Variants in SOX5 observed in about 807,000 individuals in gnomAD.
SOX5 encodes SRY-box transcription factor 5.
In SOX5, 9 loss-of-function variants were observed where a neutral mutation model predicts 92.0. The observed-to-expected ratio is 0.10, with a 90% CI of 0.06 to 0.17. The LOEUF is 0.17. Ranked by LOEUF, SOX5 falls within the 10% of genes least tolerant of loss-of-function variation. The pLI is 1.00. For synonymous variants in SOX5, 344 were observed against 336.3 expected (o/e 1.02, Z -0.25); for missense variants, 642 against 944.5 (o/e 0.68, Z 4.20).
intron 4 of SOX5, among the ~76,000 whole-genome samples, chr12:24,168,422 G>A (rs957384864): frequency 1.3e-5 from 2 of 152,142 alleles, no homozygotes; most frequent in African/African-American, 2.4e-5. Context: ...ATCGTCAACA[G>A]AAATAATTGC....
intron 4 of SOX5, among the ~76,000 whole-genome samples, chr12:24,053,660 TTTCA>T (rs1289071644): frequency 1.3e-5 from 2 of 152,188 alleles, no homozygotes; most frequent in Non-Finnish European, 2.9e-5. Flanking sequence ...CCCAAAGTCA[TTTCA>T]TTGTTTGCAA....
At chr12:23,863,793 TACAC>T (rs71059936) in intron 2 of SOX5, among the ~76,000 whole-genome samples, 9,110 of 145,366 alleles carry the variant, frequency 0.063, 357 homozygotes, top group East Asian at 0.13. Context: ...TTAAACACAC[TACAC>T]ACACACACAC....
intron 4 of SOX5, among the ~76,000 whole-genome samples, chr12:24,154,597 G>A (rs1470348723): frequency 1.3e-5 from 2 of 151,948 alleles, no homozygotes; most frequent in East Asian, 1.9e-4. Flanking sequence ...GCAATGTTTG[G>A]GAGGCATTAA....
chr12:24,411,844 T>G (rs1964150046), intron 1 of SOX5, among the ~76,000 whole-genome samples: 1 of 152,214 alleles, frequency 6.6e-6, no homozygotes, highest in Non-Finnish European at 1.5e-5. Flanking sequence ...GGGGAGATTG[T>G]TTAGGGCTGG....
chr12:23,729,838 A>G (rs2093324002), intron 6 of SOX5, among the ~76,000 whole-genome samples: 1 of 152,214 alleles, frequency 6.6e-6, no homozygotes, highest in Non-Finnish European at 1.5e-5. Context: ...GATTAGCCCT[A>G]TTAGTTGCTG....
chr12:24,277,517 T>A (rs1565810837), intron 2 of SOX5, among the ~76,000 whole-genome samples: 2 of 136,968 alleles, frequency 1.5e-5, no homozygotes, highest in Non-Finnish European at 3.2e-5. Context: ...TATAAATATA[T>A]ATTTATATGT....
intron 3 of SOX5, among the ~76,000 whole-genome samples, chr12:23,809,791 C>T (rs1407184158): frequency 7.3e-6 from 1 of 137,848 alleles, no homozygotes; most frequent in East Asian, 2.1e-4. Context: ...AAAGATTTGA[C>T]ATTACTACAC....
intron 4 of SOX5, among the ~76,000 whole-genome samples, chr12:24,087,345 G>A (rs1257128264): frequency 6.6e-6 from 1 of 152,000 alleles, no homozygotes; most frequent in African/African-American, 2.4e-5. Context: ...GACATCCACT[G>A]TTACACGTAC....
At chr12:23,828,423 G>A (rs986886896) in intron 3 of SOX5, among the ~76,000 whole-genome samples, 6 of 152,114 alleles carry the variant, frequency 3.9e-5, no homozygotes, top group African/African-American at 1.2e-4. Flanking sequence ...AATACAAGAA[G>A]AGTGTGAATA....
chr12:24,526,351 G>A (rs1366016570), intron 1 of SOX5, among the ~76,000 whole-genome samples: 2 of 152,124 alleles, frequency 1.3e-5, no homozygotes, highest in Admixed American at 6.5e-5. Flanking sequence ...AGAGAAGAAC[G>A]TGGGTGGAGT....
intron 10 of SOX5, among the ~76,000 whole-genome samples, chr12:23,564,957 G>A (rs1314909906): frequency 6.6e-6 from 1 of 152,160 alleles, no homozygotes; most frequent in Non-Finnish European, 1.5e-5. Context: ...AATGATCCAT[G>A]CCTCTTCCCC....
intron 1 of SOX5, among the ~76,000 whole-genome samples, chr12:24,391,438 C>T (rs565938384): frequency 1.3e-5 from 2 of 152,198 alleles, no homozygotes; most frequent in East Asian, 3.9e-4. Flanking sequence ...CTTTTACTTT[C>T]TTCAACTTCT....
chr12:23,984,851 G>A (rs1949913077), intron 4 of SOX5, among the ~76,000 whole-genome samples: 1 of 152,082 alleles, frequency 6.6e-6, no homozygotes, highest in African/African-American at 2.4e-5. Flanking sequence ...TTGAAGTAAT[G>A]GACTAATAAT....
intron 4 of SOX5, among the ~76,000 whole-genome samples, chr12:24,210,440 G>T (rs1429306508): frequency 2.0e-5 from 3 of 152,166 alleles, no homozygotes; most frequent in Non-Finnish European, 4.4e-5. Flanking sequence ...CTCATAAATA[G>T]TCTCATGGAT....
At chr12:23,569,927 C>CTAT (rs1415178215) in intron 10 of SOX5, among the ~76,000 whole-genome samples, 23 of 152,194 alleles carry the variant, frequency 1.5e-4, no homozygotes, top group African/African-American at 5.3e-4. Flanking sequence ...TTAGTACAAT[C>CTAT]TATTATTCCT....
At chr12:23,762,339 A>G (rs1169174292) in intron 3 of SOX5, 2 of 326,770 alleles carry the variant, frequency 6.1e-6, no homozygotes, top group Non-Finnish European at 1.1e-5. Context: ...TTGAGGCTGT[A>G]GCGTACTTTG....
At chr12:23,782,187 T>C (rs2141792936) in intron 3 of SOX5, among the ~76,000 whole-genome samples, 1 of 152,216 alleles carries the variant, frequency 6.6e-6, no homozygotes, top group South Asian at 2.1e-4. Flanking sequence ...AGTATTTATG[T>C]CATATTGATA....
intron 11 of SOX5, among the ~76,000 whole-genome samples, chr12:23,560,156 G>A (rs540665208): frequency 7.9e-4 from 121 of 152,238 alleles, no homozygotes; most frequent in Non-Finnish European, 1.2e-3. Context: ...TGATCCCCCC[G>A]CCTCGGCCTC....
At chr12:23,974,030 T>C (rs1483290656) in intron 4 of SOX5, among the ~76,000 whole-genome samples, 1 of 152,180 alleles carries the variant, frequency 6.6e-6, no homozygotes, top group East Asian at 1.9e-4. Flanking sequence ...ATGCTGTTTT[T>C]TTTCCTATAC....
Sources: gnomAD v4.1 joint callset for allele counts (sites outside exome capture counted in the v4.1 genomes callset) on GRCh38, gnomAD v4.1.1 for gene constraint, MANE v1.5 for transcripts, NCBI Gene and HGNC (gene_info 2026-07-23, HGNC 2026-07-21) for gene names.